WDR76: variants seen among roughly 807,000 people sequenced by gnomAD.
The protein encoded by WDR76 is WD repeat-containing protein 76.
In WDR76, 52 loss-of-function variants were observed where a neutral mutation model predicts 70.2. That is an observed-to-expected ratio of 0.74 (90% CI 0.59 to 0.93). WDR76 has a LOEUF of 0.93. Among genes scored for constraint, WDR76 ranks in the 40% least tolerant of loss-of-function variants. WDR76 has a pLI of 0.00. For missense variants in WDR76, 756 were observed against 760.2 expected, an observed-to-expected ratio of 0.99 and a Z score of 0.07; for synonymous variants, 292 against 271.1, an observed-to-expected ratio of 1.08 and a Z score of -0.76.
intron 5 of WDR76, among the ~76,000 whole-genome samples, chr15:43,841,353 C>T (rs1399611909): frequency 3.9e-5 from 6 of 151,954 alleles, no homozygotes; most frequent in East Asian, 3.9e-4. Context: ...CCTGCCACCA[C>T]GCCCGGCTAA....
At chr15:43,842,359 G>A in intron 5 of WDR76, 56 bp from the exon 6 acceptor site, 2 of 1,507,104 alleles carry the variant, frequency 1.3e-6, no homozygotes, top group East Asian at 4.5e-5. Context: ...TGCCCTCCTT[G>A]TGTTTATATT....
chr15:43,827,782 C>T (rs558758461), intron 1 of WDR76, among the ~76,000 whole-genome samples, 183 bp from the exon 2 acceptor site: 4 of 152,188 alleles, frequency 2.6e-5, no homozygotes, highest in Non-Finnish European at 5.9e-5. Context: ...CCTGACCTCG[C>T]GATCTGCCCG....
At chr15:43,850,051 TAAAAA>T (rs538829231) in intron 8 of WDR76, among the ~76,000 whole-genome samples, 1 of 151,998 alleles carries the variant, frequency 6.6e-6, no homozygotes, top group African/African-American at 2.4e-5. Context: ...AAATTTAAAA[TAAAAA>T]AGAAAACAAA....
rs535297003 is a variant in WDR76 at position 43,864,385 on chromosome 15, G to A, written c.1617-1743G>A. 9.9e-5 allele frequency among the ~76,000 whole-genome samples: 15 copies of A among 152,102 alleles called. No individual in the cohort carries two copies. In the South Asian group the frequency reaches 3.1e-3, roughly 32 times the overall value. ...CATTTCCACCAACAATGTACAAGGG[G>A]TCCTTCTTCTCCATATCTTTACCAA... On this transcript the variant is annotated intron_variant, in intron 12 of 12. Coordinates refer to ENST00000263795, the MANE Select transcript of WDR76 (RefSeq NM_024908.4).
At chr15:43,863,418 T>C (rs1329855810) in intron 12 of WDR76, among the ~76,000 whole-genome samples, 2 of 152,166 alleles carry the variant, frequency 1.3e-5, no homozygotes, top group Non-Finnish European at 2.9e-5. Context: ...TATAATATAT[T>C]GTTATTGACT....
At chr15:43,842,842 T>G (rs1473012824) in intron 7 of WDR76, among the ~76,000 whole-genome samples, 171 bp downstream of exon 7, 1 of 152,136 alleles carries the variant, frequency 6.6e-6, no homozygotes, top group Non-Finnish European at 1.5e-5. Flanking sequence ...CACTAGGATA[T>G]AAGCTTCATA....
intron 11 of WDR76, among the ~76,000 whole-genome samples, chr15:43,860,751 C>T (rs2087985676): frequency 6.6e-6 from 1 of 151,852 alleles, no homozygotes; most frequent in Non-Finnish European, 1.5e-5. Flanking sequence ...TCAAGTGATC[C>T]TCCCACCTTG....
intron 2 of WDR76, among the ~76,000 whole-genome samples, chr15:43,834,240 A>G (rs2087627249): frequency 6.6e-6 from 1 of 151,890 alleles, no homozygotes; most frequent in African/African-American, 2.4e-5. Context: ...GAAAGTAGAG[A>G]CATGTACTTA....
Position 43,827,084 on chromosome 15 carries a change from C to T in WDR76, c.52C>T (p.Gln18Ter). ...AEKADSRQRP[Q>*]MKVNEYKENQ... The stretch of plus-strand genomic sequence containing the variant: ...GAAGGCGGACTCCAGACAGCGACCC[C>T]AGATGAAGGTGAGAAACGGACTGGT... Residue 18 changes from glutamine to a stop codon, truncating the protein, a stop_gained, in exon 1 of 13, where the codon CAG becomes TAG. Transcript: ENST00000263795. LOFTEE classifies it high-confidence loss of function. 4 of 1,613,512 alleles carry T rather than the reference C, an allele frequency of 2.5e-6. No individual in the cohort carries two copies. The South Asian group carries it at 3.3e-5, about 13-fold the overall frequency.
intron 6 of WDR76, 38 bp from the exon 7 acceptor site, chr15:43,842,590 A>G (rs1313154218): frequency 5.0e-6 from 8 of 1,600,648 alleles, no homozygotes; most frequent in African/African-American, 1.3e-5. Context: ...AAATATATAC[A>G]TACTAACTTA....
chr15:43,839,262 A>G (rs1229997750), intron 4 of WDR76, among the ~76,000 whole-genome samples: 1 of 152,190 alleles, frequency 6.6e-6, no homozygotes, highest in African/African-American at 2.4e-5. Context: ...ATGTATGTGT[A>G]TATGTAACCT....
intron 4 of WDR76, among the ~76,000 whole-genome samples, chr15:43,838,036 C>T (rs1244277718): frequency 5.9e-5 from 9 of 151,916 alleles, no homozygotes; most frequent in Admixed American, 4.6e-4. Context: ...CCACCACGCC[C>T]GGCTAATTTT....
intron 12 of WDR76, among the ~76,000 whole-genome samples, chr15:43,862,493 TTTTTTTTTGTTTTTTG>T (rs1176949015): frequency 1.3e-5 from 2 of 149,686 alleles, no homozygotes; most frequent in African/African-American, 4.9e-5. Flanking sequence ...AATTTCTGTT[TTTTTTTTTGTTTTTTG>T]TTTTTTTGTT....
chr15:43,848,845 G>A (rs544219200), intron 8 of WDR76, among the ~76,000 whole-genome samples: 1 of 152,160 alleles, frequency 6.6e-6, no homozygotes, highest in South Asian at 2.1e-4. Flanking sequence ...AACTAAGGCA[G>A]GAGAATTGCT....
chr15:43,835,311 C>T (rs1031843595), intron 3 of WDR76, among the ~76,000 whole-genome samples, 161 bp downstream of exon 3: 3 of 135,352 alleles, frequency 2.2e-5, no homozygotes, highest in Admixed American at 1.5e-4. Flanking sequence ...CGCCCCCCGC[C>T]CCCCACCCCA....
intron 4 of WDR76, among the ~76,000 whole-genome samples, chr15:43,839,039 T>C (rs146336081): frequency 6.6e-6 from 1 of 152,160 alleles, no homozygotes; most frequent in East Asian, 1.9e-4. Flanking sequence ...TTCCCCAACA[T>C]TTTAAAATGA....
Position 43,857,011 on chromosome 15 carries a change from A to G in WDR76, c.1257A>G (p.Leu419=). 1 of 1,614,112 alleles carries G rather than the reference A, an allele frequency of 6.2e-7. No homozygotes were observed. Among genetic ancestry groups the G allele is most frequent in the Non-Finnish European group, 8.5e-7 (1 of 1,179,986 alleles). ...FDFLAEDAST[L]IVGHWDGNMS... ...TCTTGGCAGAAGATGCCTCCACTTT[A>G]ATAGTAGGACACTGGGATGGAAATA... Residue 419 remains leucine, a synonymous_variant, in exon 10 of 13, where the codon TTA becomes TTG. Coordinates refer to ENST00000263795, the MANE Select transcript of WDR76 (RefSeq NM_024908.4).
At chr15:43,841,023 T>C (rs1429371891) in intron 5 of WDR76, among the ~76,000 whole-genome samples, 1 of 151,314 alleles carries the variant, frequency 6.6e-6, no homozygotes, top group Non-Finnish European at 1.5e-5. Flanking sequence ...GGTATTTCTT[T>C]TTTTTTTTTC....
chr15:43,845,025 G>C (rs990633915), intron 8 of WDR76, among the ~76,000 whole-genome samples: 11 of 132,814 alleles, frequency 8.3e-5, no homozygotes, highest in African/African-American at 2.4e-4. Flanking sequence ...GCAGTGGTGT[G>C]ATCTCGGCTC....
Sources: allele counts gnomAD v4.1 joint callset (sites outside exome capture counted in the v4.1 genomes callset), GRCh38; gene constraint gnomAD v4.1.1; transcripts MANE v1.5; gene names NCBI Gene and HGNC (gene_info 2026-07-23, HGNC 2026-07-21).